Variants in PKNOX2 observed in about 807,000 individuals in gnomAD.
PKNOX2 encodes the protein PBX/knotted 1 homeobox 2.
PKNOX2 carries 14 observed loss-of-function variants against 53.1 expected under a neutral mutation model. The ratio of observed to expected loss-of-function variants is 0.26; its 90% CI spans 0.17 to 0.41. The LOEUF is 0.41. PKNOX2 is among the 10% of genes least tolerant of loss of function. PKNOX2 has a pLI of 1.00. For missense variants in PKNOX2, 496 were observed against 602.8 expected (o/e 0.82, Z 1.85); for synonymous variants, 257 against 242.8 (o/e 1.06, Z -0.54).
chr11:125,431,674 C>T lies in PKNOX2; in HGVS notation c.*282C>T, dbSNP rs1259022802. 3 of 456,920 alleles carry T rather than the reference C, an allele frequency of 6.6e-6. No homozygotes were observed. The East Asian group carries it at 1.2e-4, about 18-fold the overall frequency. The allele number at this position is 456,920 out of a possible 1,614,324, so 28.3% of individuals were successfully genotyped here. On this transcript the variant is annotated 3_prime_UTR_variant, in exon 13 of 13. Coordinates refer to ENST00000298282, the MANE Select transcript of PKNOX2 (RefSeq NM_001382323.2). ...GAAAGACAGGAGTGAGATCTGGACT[C>T]ACCAAATCCCTGAGGATAGATGGCA...
chr11:125,277,017 T>G (rs1946212656), intron 2 of PKNOX2, among the ~76,000 whole-genome samples: 1 of 152,162 alleles, frequency 6.6e-6, no homozygotes, highest in Non-Finnish European at 1.5e-5. Flanking sequence ...AGTGAACACA[T>G]GCAGGGAGTG....
In PKNOX2 at chr11:125,166,901, C is replaced by T. The variant is rs943211977; in HGVS notation, c.-201+2125C>T. On this transcript the variant is annotated intron_variant, in intron 1 of 12. Transcript: ENST00000298282. This position sits in a 1 kb window ranked among gnomAD's most constrained non-coding sequence, Gnocchi z 4.0. ...GCAGCCAAAAGCTTCGCATTTTAGG[C>T]AGTTTAGACGATCCTCCCCGCCCCA... Among the ~76,000 whole-genome samples the T allele has an allele frequency of 6.6e-6, 1 of 152,096 alleles. No homozygotes were observed. The highest frequency in any genetic ancestry group is 2.4e-5 in the African/African-American group (1 of 41,428).
intron 3 of PKNOX2, among the ~76,000 whole-genome samples, chr11:125,350,927 T>C (rs1458969696): frequency 2.6e-5 from 4 of 151,798 alleles, no homozygotes; most frequent in Non-Finnish European, 4.4e-5. Context: ...GAAGGAGGGG[T>C]ATCCAAATGG....
intron 2 of PKNOX2, chr11:125,258,862 A>AT (rs1167713550): frequency 2.5e-6 from 1 of 392,490 alleles, no homozygotes; most frequent in Non-Finnish European, 5.2e-6. Flanking sequence ...TGCAGAGAAC[A>AT]TGTCTCTTGC....
intron 2 of PKNOX2, among the ~76,000 whole-genome samples, chr11:125,252,701 T>G (rs1944097848): frequency 6.6e-6 from 1 of 152,124 alleles, no homozygotes; most frequent in Non-Finnish European, 1.5e-5. Flanking sequence ...GAGGTCCATG[T>G]AGCTCCCCCG....
chr11:125,178,634 GA>G lies in PKNOX2; in HGVS notation c.-201+13861del, dbSNP rs1565462405. Among the ~76,000 whole-genome samples the G allele has an allele frequency of 8.9e-3, 839 of 94,028 alleles. 17 individuals carry two copies. The highest frequency in any genetic ancestry group is 0.011 in the Non-Finnish European group (575 of 52,326). The allele number at this position is 94,028 out of a possible 152,430, so 61.7% of individuals were successfully genotyped here. A position where few individuals can be genotyped will look rare whatever the true frequency, so the allele number is the denominator to read the frequency against. On this transcript the variant is annotated intron_variant, in intron 1 of 12. Transcript: ENST00000298282. ...GGAAAGAAAGAAAGAAAGAAAGAAA[GA>G]AAGAAAGAAAGAAGGAAGGAAGGAA...
chr11:125,351,207 C>T (rs981492929), intron 3 of PKNOX2, 77 bp from the exon 4 acceptor site: 60 of 743,360 alleles, frequency 8.1e-5, no homozygotes, highest in Non-Finnish European at 1.4e-4. Context: ...CAGCGGGGGA[C>T]ACAGGGAGCT....
rs1213550282 is a variant in PKNOX2 at position 125,431,242 on chromosome 11, T to A, written c.1269T>A (p.Ala423=). The part of the protein sequence containing the change: ...ATMAMQQAMM[A]AHDDSLDGTE... ...TGGCCATGCAGCAGGCTATGATGGC[T>A]GCACACGATGACTCATTGGATGGGA... The change falls in exon 13 of 13, where the codon GCT becomes GCA. Residue 423 remains alanine (A), a synonymous_variant. Transcript: ENST00000298282. The A allele has an allele frequency of 1.9e-6, 3 of 1,613,744 alleles. No individual in the cohort carries two copies. The South Asian group carries it at 3.3e-5, about 18-fold the overall frequency.
At chr11:125,376,026 C>T (rs1339956648) in intron 5 of PKNOX2, among the ~76,000 whole-genome samples, 2 of 152,296 alleles carry the variant, frequency 1.3e-5, no homozygotes, top group East Asian at 3.9e-4. Flanking sequence ...TATTTTTGCC[C>T]TCGCAGAGCA....
chr11:125,378,760 C>T (rs1271672419), intron 5 of PKNOX2, among the ~76,000 whole-genome samples: 3 of 152,268 alleles, frequency 2.0e-5, no homozygotes, highest in Non-Finnish European at 2.9e-5. Context: ...GTTTATCACC[C>T]AGAAAGAGAA....
intron 2 of PKNOX2, among the ~76,000 whole-genome samples, chr11:125,284,618 G>C (rs1467104100): frequency 6.6e-6 from 1 of 152,156 alleles, no homozygotes; most frequent in African/African-American, 2.4e-5. Flanking sequence ...GATAATGATG[G>C]TCTAATCACC....
rs757744882 is a variant in PKNOX2, at chr11:125,432,283, T to G, written c.*891T>G. ...CCCTAGATGTTCCCACCTTCAGTGC[T>G]CCACGCCCTCCATAGACCTTCAGAG... On this transcript the variant is annotated 3_prime_UTR_variant, in exon 13 of 13. Transcript: ENST00000298282. 6.5e-6 allele frequency: 1 copy of G among 152,736 alleles called. No homozygotes were observed. Among genetic ancestry groups the G allele is most frequent in the Non-Finnish European group, 1.5e-5 (1 of 68,094 alleles). 9.5% of individuals were successfully genotyped at this position (152,736 alleles called of 1,614,324 possible).
At chr11:125,229,525 G>A (rs541637250) in intron 1 of PKNOX2, among the ~76,000 whole-genome samples, 1 of 152,318 alleles carries the variant, frequency 6.6e-6, no homozygotes, top group African/African-American at 2.4e-5. Flanking sequence ...CTGGTAGTTG[G>A]CAACCTCTGC....
chr11:125,373,753 C>G (rs969127368), intron 5 of PKNOX2, among the ~76,000 whole-genome samples: 1 of 152,104 alleles, frequency 6.6e-6, no homozygotes, highest in East Asian at 1.9e-4. Context: ...GTGGTAAATT[C>G]GGAAAGGGGT....
At chr11:125,173,983 C>T (rs910049716) in intron 1 of PKNOX2, among the ~76,000 whole-genome samples, 5 of 152,180 alleles carry the variant, frequency 3.3e-5, no homozygotes, top group African/African-American at 1.2e-4. Flanking sequence ...GTGAGCCCTA[C>T]CCCAGAGCTT....
chr11:125,218,141 G>A (rs575997035), intron 1 of PKNOX2, among the ~76,000 whole-genome samples: 1 of 152,236 alleles, frequency 6.6e-6, no homozygotes, highest in African/African-American at 2.4e-5. Flanking sequence ...CTGAGGAGCT[G>A]GATGCAGGAG....
At chr11:125,237,821 G>C (rs984709098) in intron 2 of PKNOX2, among the ~76,000 whole-genome samples, 1 of 152,164 alleles carries the variant, frequency 6.6e-6, no homozygotes, top group African/African-American at 2.4e-5. Context: ...AGGAGTCCTA[G>C]ACTGTGAGCC....
chr11:125,387,826 T>C (rs1357706769), intron 6 of PKNOX2, among the ~76,000 whole-genome samples: 3 of 152,158 alleles, frequency 2.0e-5, no homozygotes, highest in African/African-American at 7.2e-5. Flanking sequence ...GACTGGCTGA[T>C]TATGTAAATG....
At chr11:125,201,866 T>A (rs951018855) in intron 1 of PKNOX2, among the ~76,000 whole-genome samples, 1 of 152,204 alleles carries the variant, frequency 6.6e-6, no homozygotes, top group Admixed American at 6.5e-5. Flanking sequence ...GAGTTTAGCA[T>A]CAGCCTAGGT....
Sources: allele counts gnomAD v4.1 joint callset (sites outside exome capture counted in the v4.1 genomes callset), GRCh38; gene constraint gnomAD v4.1.1; non-coding constraint Gnocchi (gnomAD v3.1); transcripts MANE v1.5; gene names NCBI Gene and HGNC (gene_info 2026-07-23, HGNC 2026-07-21).